PDE3B: variants seen among roughly 807,000 people sequenced by gnomAD.
The protein encoded by PDE3B is cGMP-inhibited 3',5'-cyclic phosphodiesterase 3B.
In PDE3B, 66 loss-of-function variants were observed where a neutral mutation model predicts 116.8. The ratio of observed to expected loss-of-function variants is 0.56; its 90% CI spans 0.46 to 0.69. The LOEUF is 0.69. Ranked by LOEUF, PDE3B falls within the 30% of genes least tolerant of loss-of-function variation. PDE3B has a pLI of 0.00. For missense variants in PDE3B, 1,384 were observed against 1,368.1 expected (o/e 1.01, Z -0.18); for synonymous variants, 595 against 533.6 (o/e 1.12, Z -1.59).
chr11:14,859,941 G>A (rs898264753), intron 13 of PDE3B, among the ~76,000 whole-genome samples: 27 of 152,152 alleles, frequency 1.8e-4, no homozygotes, highest in Admixed American at 6.6e-5. Flanking sequence ...TTCCCACCCT[G>A]GCTTGCAGGA....
Position 14,647,087 on chromosome 11 carries a change from G to C in PDE3B, c.978+2034G>C, listed in dbSNP as rs1432801554. On this transcript the variant is annotated intron_variant, in intron 1 of 15. Transcript: ENST00000282096. ...TGCTTGTTCCAGAAGTCTAACAGTG[G>C]ATTTGTGCTTTTTGTTTGCATGTAT... 3.3e-5 allele frequency among the ~76,000 whole-genome samples: 5 copies of C among 151,896 alleles called. No homozygotes were observed. The East Asian group carries it at 9.6e-4, about 29-fold the overall frequency.
At chr11:14,884,050 T>C in the PDE3B span, among the ~76,000 whole-genome samples, 1 of 152,064 alleles carries the variant, frequency 6.6e-6, no homozygotes, top group East Asian at 2.0e-4. Flanking sequence ...GGAGAGGATG[T>C]GGAGAATTAG....
chr11:14,789,066 A>G (rs1279420260), intron 3 of PDE3B, 40 bp from the exon 4 acceptor site: 2 of 1,498,262 alleles, frequency 1.3e-6, no homozygotes, highest in Non-Finnish European at 1.8e-6. Context: ...ATAGCATATT[A>G]AAGAGTGACA....
chr11:14,832,891 T>C, intron 10 of PDE3B, 58 bp downstream of exon 10: 2 of 750,596 alleles, frequency 2.7e-6, no homozygotes, highest in Non-Finnish European at 4.6e-6. Context: ...TGAAACTCTT[T>C]ATCATCTTTC....
chr11:14,644,939 G>A lies in PDE3B; in HGVS notation c.864G>A (p.Val288=). The A allele has an allele frequency of 6.2e-7, 1 of 1,614,096 alleles. No homozygotes were observed. The highest frequency in any genetic ancestry group is 8.5e-7 in the Non-Finnish European group (1 of 1,180,024). ...GTGCCGCCGAAGAAAAAGTGCCTGTGATCCGACCCCGGAGGAGGTCCAGCT... is the reference window on the plus strand; with the variant it reads ...GTGCCGCCGAAGAAAAAGTGCCTGTAATCCGACCCCGGAGGAGGTCCAGCT... ...LSSAAEEKVP[V]IRPRRRSSCV... The change falls in exon 1 of 16, where the codon GTG becomes GTA. Residue 288 remains valine (V), a synonymous_variant. Coordinates refer to ENST00000282096, the MANE Select transcript of PDE3B (RefSeq NM_000922.4).
intron 7 of PDE3B, among the ~76,000 whole-genome samples, chr11:14,822,419 A>T (rs1859549139): frequency 6.6e-6 from 1 of 152,210 alleles, no homozygotes; most frequent in Admixed American, 6.5e-5. Context: ...ACATGTTGGG[A>T]TTCATCAAGA....
intron 4 of PDE3B, among the ~76,000 whole-genome samples, chr11:14,801,609 G>T (rs746872849): frequency 6.6e-6 from 1 of 152,224 alleles, no homozygotes; most frequent in Non-Finnish European, 1.5e-5. Context: ...GATACATGGG[G>T]GTCAGGGACC....
downstream of PDE3B, among the ~76,000 whole-genome samples, chr11:14,874,269 C>G (rs1248872804): frequency 2.6e-5 from 4 of 151,988 alleles, no homozygotes; most frequent in African/African-American, 9.7e-5. Context: ...AACCTTTAAC[C>G]TATGTTTTAA....
At chr11:14,661,562 G>A (rs1227628209) in intron 1 of PDE3B, among the ~76,000 whole-genome samples, 1 of 152,222 alleles carries the variant, frequency 6.6e-6, no homozygotes, top group African/African-American at 2.4e-5. Context: ...GTCAAAGAAA[G>A]GGGTGACAGA....
At chr11:14,801,294 A>G (rs1858753950) in intron 4 of PDE3B, among the ~76,000 whole-genome samples, 1 of 152,078 alleles carries the variant, frequency 6.6e-6, no homozygotes, top group African/African-American at 2.4e-5. Flanking sequence ...GGATTTATCT[A>G]CCTTTGGTCT....
intron 7 of PDE3B, among the ~76,000 whole-genome samples, chr11:14,819,740 A>G (rs894274607): frequency 6.6e-6 from 1 of 152,160 alleles, no homozygotes; most frequent in African/African-American, 2.4e-5. Flanking sequence ...TGGATGAATT[A>G]TTTTTTTAAA....
At chr11:14,686,925 G>C (rs1854895499) in intron 1 of PDE3B, among the ~76,000 whole-genome samples, 2 of 152,190 alleles carry the variant, frequency 1.3e-5, no homozygotes, top group South Asian at 4.1e-4. Context: ...GTGTTAGCCA[G>C]GATGGTCTGG....
intron 4 of PDE3B, among the ~76,000 whole-genome samples, chr11:14,799,424 G>C (rs1436203336): frequency 6.6e-6 from 1 of 152,206 alleles, no homozygotes; most frequent in Non-Finnish European, 1.5e-5. Flanking sequence ...TTGGGGTGGA[G>C]AGTTCTGTAG....
At chr11:14,873,729 T>C (rs1254467272), downstream of PDE3B, among the ~76,000 whole-genome samples, 4 of 152,324 alleles carry the variant, frequency 2.6e-5, no homozygotes, top group East Asian at 7.7e-4. Flanking sequence ...CAGCAAATAG[T>C]TGGAAGTCTA....
At chr11:14,891,101 T>C in the PDE3B span, 4 of 985,364 alleles carry the variant, frequency 4.1e-6, no homozygotes, top group Admixed American at 6.1e-5. Context: ...AGGTGAGCTC[T>C]GTCCCAGGAC....
At chr11:14,645,168 G>T in intron 1 of PDE3B, 115 bp downstream of exon 1, 2 of 292,656 alleles carry the variant, frequency 6.8e-6, no homozygotes, top group South Asian at 7.8e-5. Context: ...TGGAAAAAGG[G>T]TGTGTTGCGG....
rs1487077765 is a variant in PDE3B at position 14,807,974 on chromosome 11, C to T, written c.1522+3924C>T. Among the ~76,000 whole-genome samples, 6 of 151,502 alleles carry T rather than the reference C, an allele frequency of 4.0e-5. No individual in the cohort carries two copies. In the East Asian group the frequency reaches 5.8e-4, roughly 15 times the overall value. On this transcript the variant is annotated intron_variant, in intron 5 of 15. Transcript: ENST00000282096. ...ACTCGGGAGGTTGAGGCACGAGAAT[C>T]GCTTGAACCCGGGAGACAGAGATTG...
At chr11:14,652,317 C>G (rs1294977782) in intron 1 of PDE3B, among the ~76,000 whole-genome samples, 1 of 152,040 alleles carries the variant, frequency 6.6e-6, no homozygotes, top group Non-Finnish European at 1.5e-5. Context: ...TTGCTAGGCT[C>G]TCTGTTCTAT....
the PDE3B span, chr11:14,886,089 T>A: frequency 1.2e-5 from 8 of 641,608 alleles, no homozygotes; most frequent in Non-Finnish European, 1.9e-5. Flanking sequence ...CTATAAGGCA[T>A]GCAAAACTGT....
Sources: allele counts gnomAD v4.1 joint callset (sites outside exome capture counted in the v4.1 genomes callset), GRCh38; gene constraint gnomAD v4.1.1; transcripts MANE v1.5; gene names NCBI Gene and HGNC (gene_info 2026-07-23, HGNC 2026-07-21).